The following SNTG1 variants were observed in gnomAD, a reference collection of about 807,000 sequenced individuals.
The protein encoded by SNTG1 is syntrophin gamma 1, also known as gamma-1-syntrophin.
Under a neutral mutation model 74.7 loss-of-function variants are expected in SNTG1, and 39 were observed. The observed-to-expected ratio is 0.52, with a 90% CI of 0.40 to 0.68. The LOEUF is 0.68. Ranked by LOEUF, SNTG1 falls within the 30% of genes least tolerant of loss-of-function variation. The probability of loss-of-function intolerance (pLI) is 0.00; values close to 1 mark genes in which losing one functional copy is unlikely to be tolerated. For missense variants in SNTG1, 685 were observed against 609.5 expected (o/e 1.12, Z -1.30); for synonymous variants, 254 against 217.1 (o/e 1.17, Z -1.49).
At chr8:49,919,249 A>G (rs1194762883) in intron 1 of SNTG1, among the ~76,000 whole-genome samples, 2 of 152,134 alleles carry the variant, frequency 1.3e-5, no homozygotes, top group Non-Finnish European at 2.9e-5. Flanking sequence ...GGATTGACCA[A>G]GGGAATATTA....
chr8:50,593,126 T>A (rs954466994), intron 13 of SNTG1, among the ~76,000 whole-genome samples: 1 of 151,550 alleles, frequency 6.6e-6, no homozygotes, highest in Non-Finnish European at 1.5e-5. Flanking sequence ...TCACCCAAGC[T>A]ACAATGAATC....
chr8:49,930,204 T>C lies in SNTG1; in HGVS notation c.-103+17973T>C, dbSNP rs1038076462. Among the ~76,000 whole-genome samples, 3 of 151,622 alleles carry C rather than the reference T, an allele frequency of 2.0e-5. No homozygotes were observed. In the East Asian group the frequency reaches 5.8e-4, roughly 29 times the overall value. ...GTTATCAAATTTTGAATTTAAAACATAACAAGAGATAGTATGAGAAAGACA... is the reference window on the plus strand; with the variant it reads ...GTTATCAAATTTTGAATTTAAAACACAACAAGAGATAGTATGAGAAAGACA... On this transcript the variant is annotated intron_variant, in intron 1 of 18. Transcript: ENST00000642720.
At chr8:50,649,702 A>G (rs909555069) in intron 13 of SNTG1, among the ~76,000 whole-genome samples, 5 of 152,168 alleles carry the variant, frequency 3.3e-5, no homozygotes, top group Non-Finnish European at 7.4e-5. Context: ...ATAAGCCAAA[A>G]TCTCTTTTCT....
chr8:50,343,222 T>C (rs1471851286), intron 2 of SNTG1, among the ~76,000 whole-genome samples: 3 of 152,018 alleles, frequency 2.0e-5, no homozygotes, highest in Non-Finnish European at 2.9e-5. Flanking sequence ...CACTAAAAAG[T>C]GGGGAAAATA....
At chr8:50,213,556 C>T (rs2084626399) in intron 2 of SNTG1, among the ~76,000 whole-genome samples, 1 of 152,118 alleles carries the variant, frequency 6.6e-6, no homozygotes, top group Non-Finnish European at 1.5e-5. Context: ...TCAAAATTTT[C>T]TGTTCCTATT....
chr8:50,414,247 C>A (rs1021946910), intron 4 of SNTG1, among the ~76,000 whole-genome samples: 1 of 152,246 alleles, frequency 6.6e-6, no homozygotes, highest in Non-Finnish European at 1.5e-5. Flanking sequence ...CCCAGATATT[C>A]TTTAAACTAA....
At chr8:50,352,360 C>G (rs547949215) in intron 2 of SNTG1, among the ~76,000 whole-genome samples, 1 of 151,996 alleles carries the variant, frequency 6.6e-6, no homozygotes, top group African/African-American at 2.4e-5. Context: ...TTCAAAACAT[C>G]TGACATCCTC....
chr8:49,948,819 A>G (rs1809440897), intron 1 of SNTG1, among the ~76,000 whole-genome samples: 1 of 152,164 alleles, frequency 6.6e-6, no homozygotes, highest in African/African-American at 2.4e-5. Flanking sequence ...GAGGCACTGG[A>G]AAGAAGCGGT....
intron 2 of SNTG1, among the ~76,000 whole-genome samples, chr8:50,265,125 A>G (rs979127521): frequency 6.6e-6 from 1 of 152,136 alleles, no homozygotes; most frequent in African/African-American, 2.4e-5. Context: ...CTCCTAACTC[A>G]TTCTGTGAGG....
intron 2 of SNTG1, among the ~76,000 whole-genome samples, chr8:50,301,408 CTTCTTTTTTATATGATGTCT>C (rs2089638471): frequency 6.6e-6 from 1 of 151,958 alleles, no homozygotes; most frequent in Non-Finnish European, 1.5e-5. Context: ...AGAATTTCAA[CTTCTTTTTTATATGATGTCT>C]ATCTCTTTAT....
chr8:50,607,520 T>G lies in SNTG1; in HGVS notation c.849+16603T>G, dbSNP rs535635645. Among the ~76,000 whole-genome samples, 39 of 151,822 alleles carry G rather than the reference T, an allele frequency of 2.6e-4. No homozygotes were observed. In the South Asian group the frequency reaches 8.1e-3, roughly 31 times the overall value. ...TATATATTTATTTGTAATATTCTCT[T>G]ATAATACTTTAACGTTTCTTCTTGC... On this transcript the variant is annotated intron_variant, in intron 13 of 18. Transcript: ENST00000642720.
intron 17 of SNTG1, among the ~76,000 whole-genome samples, chr8:50,737,958 A>T (rs1017308026): frequency 2.1e-4 from 32 of 152,158 alleles, no homozygotes; most frequent in African/African-American, 7.5e-4. Context: ...TATCATACTG[A>T]ATGGGCAAAA....
At chr8:50,387,404 T>G (rs985773009) in intron 2 of SNTG1, among the ~76,000 whole-genome samples, 1 of 152,128 alleles carries the variant, frequency 6.6e-6, no homozygotes, top group Non-Finnish European at 1.5e-5. Flanking sequence ...ATAAATCCAC[T>G]CTAACATTCC....
intron 8 of SNTG1, among the ~76,000 whole-genome samples, chr8:50,481,932 T>G (rs972801458): frequency 6.6e-6 from 1 of 152,160 alleles, no homozygotes; most frequent in African/African-American, 2.4e-5. Context: ...GTCCCAGCAG[T>G]GAATGGAAAC....
intron 6 of SNTG1, 59 bp downstream of exon 6, chr8:50,449,784 T>C (rs944315385): frequency 3.3e-5 from 45 of 1,370,942 alleles, no homozygotes; most frequent in Admixed American, 8.8e-5. Flanking sequence ...TTTTGAAGTG[T>C]GAGATGATAT....
chr8:50,174,415 T>A (rs12335029), intron 2 of SNTG1, among the ~76,000 whole-genome samples: 242 of 152,332 alleles, frequency 1.6e-3, no homozygotes, highest in African/African-American at 5.7e-3. Context: ...ATCACCACAC[T>A]GTTTTCCACA....
At position 49,917,624 on chromosome 8, in the gene SNTG1, G is replaced by A. The variant is rs770209087; in HGVS notation, c.-103+5393G>A. On this transcript the variant is annotated intron_variant, in intron 1 of 18. Coordinates refer to ENST00000642720, the MANE Select transcript of SNTG1 (RefSeq NM_018967.5). ...ATGCACATGGCTCTGATCAACTACC[G>A]CTCTCTCATTTCTCCAGATAAATCC... 6.6e-5 allele frequency among the ~76,000 whole-genome samples: 10 copies of A among 152,192 alleles called. No individual in the cohort carries two copies. The South Asian group carries it at 1.0e-3, about 16-fold the overall frequency.
At chr8:50,245,612 GGC>G (rs1174060491) in intron 2 of SNTG1, among the ~76,000 whole-genome samples, 4 of 152,144 alleles carry the variant, frequency 2.6e-5, no homozygotes, top group Non-Finnish European at 5.9e-5. Flanking sequence ...GAACCCAGGA[GGC>G]GGAGGTTGCC....
intron 2 of SNTG1, among the ~76,000 whole-genome samples, chr8:50,248,521 A>G (rs1200348275): frequency 6.6e-6 from 1 of 152,178 alleles, no homozygotes; most frequent in Non-Finnish European, 1.5e-5. Flanking sequence ...CAGTCAGACT[A>G]TTAATTCTCC....
Sources: allele counts gnomAD v4.1 joint callset (sites outside exome capture counted in the v4.1 genomes callset), GRCh38; gene constraint gnomAD v4.1.1; transcripts MANE v1.5; gene names NCBI Gene and HGNC (gene_info 2026-07-23, HGNC 2026-07-21).